Variants in ARFGAP3 observed in about 807,000 individuals in gnomAD.
The protein encoded by ARFGAP3 is ADP-ribosylation factor GTPase-activating protein 3.
Under a neutral mutation model 75.0 loss-of-function variants are expected in ARFGAP3, and 72 were observed. The ratio of observed to expected loss-of-function variants is 0.96; its 90% CI spans 0.79 to 1.17. ARFGAP3 has a LOEUF of 1.17. ARFGAP3 is among the 50% of genes most tolerant of loss of function. The pLI, the probability that ARFGAP3 is intolerant of heterozygous loss-of-function variation, is 0.00. For missense variants in ARFGAP3, 620 were observed against 626.6 expected, an observed-to-expected ratio of 0.99 and a Z score of 0.11; for synonymous variants, 221 against 217.9, an observed-to-expected ratio of 1.01 and a Z score of -0.13.
At position 42,845,634 on chromosome 22, in the gene ARFGAP3, C is replaced by T. The variant is rs189642927; in HGVS notation, c.188+1880G>A. ...AATGGTGATGGAAAAACTAGGTATC[C>T]GCATACAAAAGAATGAAGTTGAACT... On this transcript the variant is annotated intron_variant, in intron 2 of 15. Coordinates refer to ENST00000263245, the MANE Select transcript of ARFGAP3 (RefSeq NM_014570.5). Among the ~76,000 whole-genome samples, 72 of 151,668 alleles carry T rather than the reference C, an allele frequency of 4.7e-4. No individual in the cohort carries two copies. In the South Asian group the frequency reaches 7.9e-3, roughly 17 times the overall value.
intron 6 of ARFGAP3, among the ~76,000 whole-genome samples, chr22:42,827,291 G>C (rs1926083558): frequency 6.6e-6 from 1 of 152,170 alleles, no homozygotes; most frequent in African/African-American, 2.4e-5. Context: ...AATGTGACCT[G>C]TCAAAAGATA....
At position 42,807,093 on chromosome 22, in the gene ARFGAP3, TC is replaced by T; in HGVS notation, c.1390del (p.Glu464SerfsTer29). On this transcript the variant is annotated frameshift_variant, in exon 14 of 16. Coordinates refer to ENST00000263245, the MANE Select transcript of ARFGAP3 (RefSeq NM_014570.5). LOFTEE classifies it high-confidence loss of function. ...SSISSADLFE[E>X]PRKQPAGNYS... Reference sequence around the variant, plus strand: ...CCTACCTGCTGGCTGCTTCCTCGGCTCCTCGAACAGATCAGCCGAGCTTATG... The same window carrying T: ...CCTACCTGCTGGCTGCTTCCTCGGCTCTCGAACAGATCAGCCGAGCTTATG... 6.2e-7 allele frequency: 1 copy of T among 1,612,048 alleles called. No individual in the cohort carries two copies. Among genetic ancestry groups the T allele is most frequent in the Non-Finnish European group, 8.5e-7 (1 of 1,179,224 alleles).
chr22:42,822,164 C>G, intron 9 of ARFGAP3, 106 bp downstream of exon 9: 1 of 889,438 alleles, frequency 1.1e-6, no homozygotes. Flanking sequence ...TTTGCAGTAC[C>G]CTCCCTTCCC....
intron 8 of ARFGAP3, among the ~76,000 whole-genome samples, chr22:42,823,240 C>G (rs543755272): frequency 6.7e-4 from 102 of 152,160 alleles, no homozygotes; most frequent in African/African-American, 2.1e-3. Context: ...CAAGGTCACA[C>G]AGCCAATACA....
At chr22:42,855,542 TGA>T (rs1037774641) in intron 1 of ARFGAP3, among the ~76,000 whole-genome samples, 1 of 152,006 alleles carries the variant, frequency 6.6e-6, no homozygotes. Context: ...AAAAATTACT[TGA>T]GTGTAGTGGT....
At chr22:42,836,003 G>A (rs534045894) in intron 3 of ARFGAP3, among the ~76,000 whole-genome samples, 6 of 53,932 alleles carry the variant, frequency 1.1e-4, no homozygotes, top group African/African-American at 3.6e-4. Flanking sequence ...TTTTTTTTTT[G>A]AGAGAGTCTT....
In ARFGAP3 at chr22:42,808,857, T is replaced by C. The variant is rs745809101; in HGVS notation, c.1230A>G (p.Pro410=). ...PTARRKPDYE[P]VENTDEAQKK... ...TCTGGGCCTCATCTGTATTTTCAACTGGCTCATAATCTGGCTTGCGGCGAG... is the reference window on the plus strand; with the variant it reads ...TCTGGGCCTCATCTGTATTTTCAACCGGCTCATAATCTGGCTTGCGGCGAG... The change falls in exon 13 of 16, where the codon CCA becomes CCG. Residue 410 remains proline (P), a synonymous_variant. Transcript: ENST00000263245. The C allele has an allele frequency of 6.2e-7, 1 of 1,613,364 alleles. No individual in the cohort carries two copies. The highest frequency in any genetic ancestry group is 1.1e-5 in the South Asian group (1 of 90,870).
At chr22:42,835,623 C>A in intron 3 of ARFGAP3, 130 bp from the exon 4 acceptor site, 1 of 979,804 alleles carries the variant, frequency 1.0e-6, no homozygotes. Flanking sequence ...AGATCAGTAC[C>A]ATCCTGGCTA....
chr22:42,797,762 C>G, intron 15 of ARFGAP3, 157 bp from the exon 16 acceptor site: 1 of 985,190 alleles, frequency 1.0e-6, no homozygotes, highest in African/African-American at 1.7e-5. Flanking sequence ...CTGGAAGCAG[C>G]CATTGCTGCA....
intron 5 of ARFGAP3, chr22:42,831,866 T>TGGGAGGTCAAGGC: frequency 2.4e-6 from 1 of 422,690 alleles, no homozygotes; most frequent in Non-Finnish European, 3.2e-6. Context: ...CACTGGAGCC[T>TGGGAGGTCAAGGC]TGACCTCCCA....
intron 2 of ARFGAP3, among the ~76,000 whole-genome samples, chr22:42,844,798 A>T (rs564315409): frequency 3.3e-5 from 5 of 152,270 alleles, no homozygotes; most frequent in East Asian, 1.9e-4. Context: ...CTCATCCTTG[A>T]CTTTTTCTTG....
chr22:42,829,789 TA>T (rs1731219916), intron 6 of ARFGAP3, among the ~76,000 whole-genome samples: 1 of 152,220 alleles, frequency 6.6e-6, no homozygotes, highest in Admixed American at 6.5e-5. Context: ...TTCAGGATAA[TA>T]AAAAAGGCTT....
chr22:42,807,872 A>G (rs1925197196), intron 13 of ARFGAP3, among the ~76,000 whole-genome samples: 1 of 151,478 alleles, frequency 6.6e-6, no homozygotes, highest in African/African-American at 2.4e-5. Context: ...CAGCCTCCCA[A>G]GTAGCTGGAC....
At chr22:42,832,902 T>C (rs1260539153) in intron 5 of ARFGAP3, among the ~76,000 whole-genome samples, 1 of 151,908 alleles carries the variant, frequency 6.6e-6, no homozygotes, top group African/African-American at 2.4e-5. Context: ...GGAGAATCGC[T>C]TGAACCCGGG....
chr22:42,826,169 A>G (rs1926028459), intron 7 of ARFGAP3, among the ~76,000 whole-genome samples: 2 of 152,240 alleles, frequency 1.3e-5, no homozygotes, highest in Non-Finnish European at 2.9e-5. Context: ...AATGGAATAT[A>G]TAACAATTAC....
At chr22:42,834,963 G>A (rs1399164551) in intron 4 of ARFGAP3, among the ~76,000 whole-genome samples, 1 of 152,192 alleles carries the variant, frequency 6.6e-6, no homozygotes, top group Non-Finnish European at 1.5e-5. Flanking sequence ...GTGCCTCATG[G>A]AGAAAATTCA....
chr22:42,844,069 CAT>C (rs559249815), intron 2 of ARFGAP3, among the ~76,000 whole-genome samples: 81 of 152,258 alleles, frequency 5.3e-4, no homozygotes, highest in South Asian at 1.2e-3. Flanking sequence ...GGAAGCAGTG[CAT>C]GTGTGTGTGT....
Position 42,800,789 on chromosome 22 carries a change from G to A in ARFGAP3, c.1412-1629C>T, listed in dbSNP as rs553102670. On this transcript the variant is annotated intron_variant, in intron 14 of 15. Transcript: ENST00000263245. ...TGTGTCTCCTCTGAGGGCTGCCTGG[G>A]CAGGCTGGAGGGGCCGGGTGGCCAT... 3.9e-5 allele frequency among the ~76,000 whole-genome samples: 6 copies of A among 152,296 alleles called. No individual in the cohort carries two copies. In the South Asian group the frequency reaches 1.2e-3, roughly 32 times the overall value.
At chr22:42,832,925 C>T (rs1342776794) in intron 5 of ARFGAP3, among the ~76,000 whole-genome samples, 1 of 151,318 alleles carries the variant, frequency 6.6e-6, no homozygotes, top group Non-Finnish European at 1.5e-5. Context: ...GTGGATGTTG[C>T]AGTGAGCCGA....
Sources: allele counts gnomAD v4.1 joint callset (sites outside exome capture counted in the v4.1 genomes callset), GRCh38; gene constraint gnomAD v4.1.1; transcripts MANE v1.5; gene names NCBI Gene and HGNC (gene_info 2026-07-23, HGNC 2026-07-21).